TMEFF2: variants seen among roughly 807,000 people sequenced by gnomAD.
The protein encoded by TMEFF2 is transmembrane protein with EGF like and two follistatin like domains 2.
TMEFF2 carries 28 observed loss-of-function variants against 53.8 expected under a neutral mutation model. The ratio of observed to expected loss-of-function variants is 0.52; its 90% CI spans 0.39 to 0.71. TMEFF2 has a LOEUF of 0.71. TMEFF2 is among the 30% of genes least tolerant of loss of function. The pLI is 0.00. For synonymous variants in TMEFF2, 162 were observed against 166.3 expected, an observed-to-expected ratio of 0.97 and a Z score of 0.20; for missense variants, 353 against 455.2, an observed-to-expected ratio of 0.78 and a Z score of 2.04.
At chr2:191,997,678 A>G (rs1686255579) in intron 7 of TMEFF2, among the ~76,000 whole-genome samples, 1 of 151,532 alleles carries the variant, frequency 6.6e-6, no homozygotes, top group Non-Finnish European at 1.5e-5. Context: ...TCAAAGTGAA[A>G]TAATTGTTAA....
At chr2:191,953,883 A>ATTTTTTTCTTTTTTTTT (rs1691970132) in intron 8 of TMEFF2, 46 bp from the exon 9 acceptor site, 2 of 536,052 alleles carry the variant, frequency 3.7e-6, no homozygotes, top group Non-Finnish European at 5.1e-6. Flanking sequence ...TGCTGCATTC[A>ATTTTTTTCTTTTTTTTT]TTTTTTTTTT....
At chr2:192,031,087 T>C (rs996576937) in intron 5 of TMEFF2, among the ~76,000 whole-genome samples, 6 of 152,204 alleles carry the variant, frequency 3.9e-5, no homozygotes, top group Non-Finnish European at 8.8e-5. Context: ...ACATTTTTAC[T>C]AAAATATTGC....
At chr2:192,117,432 A>C (rs1689439702) in intron 4 of TMEFF2, among the ~76,000 whole-genome samples, 1 of 152,172 alleles carries the variant, frequency 6.6e-6, no homozygotes, top group Admixed American at 6.6e-5. Flanking sequence ...GTAAGATGGT[A>C]ATTTATTTAA....
intron 2 of TMEFF2, among the ~76,000 whole-genome samples, chr2:192,189,555 C>CAGAAAAAAAAAAAAAA (rs1691408441): frequency 2.4e-5 from 1 of 41,102 alleles, no homozygotes. Flanking sequence ...CCAAAAATTC[C>CAGAAAAAAAAAAAAAA]AAAAAAAAAA....
intron 5 of TMEFF2, among the ~76,000 whole-genome samples, chr2:192,046,171 C>T (rs923078123): frequency 6.6e-6 from 1 of 152,044 alleles, no homozygotes; most frequent in African/African-American, 2.4e-5. Flanking sequence ...TCGAGACCAA[C>T]CTGACTAATA....
chr2:192,043,479 C>T (rs749487791), intron 5 of TMEFF2, among the ~76,000 whole-genome samples: 2 of 152,170 alleles, frequency 1.3e-5, no homozygotes, highest in African/African-American at 2.4e-5. Context: ...AGACCTTTCA[C>T]GGACTAATGG....
intron 4 of TMEFF2, among the ~76,000 whole-genome samples, chr2:192,066,160 T>C (rs1468026650): frequency 6.6e-6 from 1 of 151,810 alleles, no homozygotes; most frequent in Non-Finnish European, 1.5e-5. Flanking sequence ...ATAGTTATAC[T>C]GTTACATCGT....
chr2:192,194,340 G>T lies in TMEFF2; in HGVS notation c.172+13C>A, dbSNP rs1290457204. On this transcript the variant is annotated intron_variant, in intron 1 of 9. Transcript: ENST00000272771. This position sits in a 1 kb window ranked among gnomAD's most constrained non-coding sequence, Gnocchi z 4.2. ...CGGAGTTAAAGGGTCGGGGACGGGGGTTCTGGACTTACCAGAGCAATTCCA... is the reference window on the plus strand; with the variant it reads ...CGGAGTTAAAGGGTCGGGGACGGGGTTTCTGGACTTACCAGAGCAATTCCA... The T allele has an allele frequency of 1.9e-6, 3 of 1,613,768 alleles. No homozygotes were observed. The highest frequency in any genetic ancestry group is 1.7e-6 in the Non-Finnish European group (2 of 1,179,766).
chr2:191,982,725 T>G (rs934450766), intron 7 of TMEFF2, among the ~76,000 whole-genome samples: 1 of 152,158 alleles, frequency 6.6e-6, no homozygotes, highest in African/African-American at 2.4e-5. Context: ...CTATCAAAAT[T>G]TCCATTTCAT....
chr2:192,160,530 A>T (rs932647030), intron 4 of TMEFF2, among the ~76,000 whole-genome samples: 3 of 152,214 alleles, frequency 2.0e-5, no homozygotes, highest in Non-Finnish European at 4.4e-5. Flanking sequence ...CTACAGAATC[A>T]TAACACAAAA....
At chr2:192,171,386 C>T (rs1161038266) in intron 4 of TMEFF2, among the ~76,000 whole-genome samples, 1 of 151,864 alleles carries the variant, frequency 6.6e-6, no homozygotes, top group Non-Finnish European at 1.5e-5. Context: ...CTGCTTTCTC[C>T]CTTACTCTCT....
At chr2:192,106,564 T>C (rs185410363) in intron 4 of TMEFF2, among the ~76,000 whole-genome samples, 9 of 151,916 alleles carry the variant, frequency 5.9e-5, no homozygotes, top group Admixed American at 5.9e-4. Context: ...TTAATTATTT[T>C]CTTTAATGAA....
Position 192,001,978 on chromosome 2 carries a change from T to C in TMEFF2, c.537-2770A>G, listed in dbSNP as rs181517710. Reference sequence around the variant, plus strand: ...AAGCTTTAACACCAAATTGAACAATTGTGTGGGATATTTTACAAGATTCTC... The same window carrying C: ...AAGCTTTAACACCAAATTGAACAATCGTGTGGGATATTTTACAAGATTCTC... On this transcript the variant is annotated intron_variant, in intron 5 of 9. Transcript: ENST00000272771. Among the ~76,000 whole-genome samples, 316 of 152,340 alleles carry C rather than the reference T, an allele frequency of 2.1e-3. 2 individuals carry two copies. The highest frequency in any genetic ancestry group is 7.2e-3 in the African/African-American group (299 of 41,576).
At chr2:192,135,779 G>A (rs1445726449) in intron 4 of TMEFF2, among the ~76,000 whole-genome samples, 8 of 151,920 alleles carry the variant, frequency 5.3e-5, no homozygotes, top group Non-Finnish European at 1.2e-4. Context: ...AAGAAGTGAA[G>A]AGGCCCTGCC....
chr2:192,038,026 A>G (rs559819835), intron 5 of TMEFF2: 3 of 152,326 alleles, frequency 2.0e-5, no homozygotes, highest in African/African-American at 7.2e-5. Context: ...ACGACTAACC[A>G]TTCTGTTGTG....
chr2:192,105,065 A>C (rs1367202442), intron 4 of TMEFF2, among the ~76,000 whole-genome samples: 1 of 151,930 alleles, frequency 6.6e-6, no homozygotes, highest in Non-Finnish European at 1.5e-5. Flanking sequence ...TGTCACATGA[A>C]TTATTACCAG....
chr2:191,999,927 C>T (rs953700417), intron 5 of TMEFF2, among the ~76,000 whole-genome samples: 3 of 151,880 alleles, frequency 2.0e-5, no homozygotes, highest in Non-Finnish European at 2.9e-5. Context: ...ATTTTTCTAC[C>T]TCTCATTTTA....
At chr2:192,134,923 C>T (rs1292799150) in intron 4 of TMEFF2, among the ~76,000 whole-genome samples, 1 of 152,184 alleles carries the variant, frequency 6.6e-6, no homozygotes, top group Non-Finnish European at 1.5e-5. Flanking sequence ...ACACACCTCA[C>T]CAAGCTCAGC....
chr2:192,118,718 G>T (rs1234380640), intron 4 of TMEFF2, among the ~76,000 whole-genome samples: 1 of 152,132 alleles, frequency 6.6e-6, no homozygotes, highest in Non-Finnish European at 1.5e-5. Context: ...TTGTACAGCA[G>T]ATGTAAAATG....
Sources: gnomAD v4.1 joint callset for allele counts (sites outside exome capture counted in the v4.1 genomes callset) on GRCh38, gnomAD v4.1.1 for gene constraint, Gnocchi (gnomAD v3.1) non-coding constraint, MANE v1.5 for transcripts, NCBI Gene and HGNC (gene_info 2026-07-23, HGNC 2026-07-21) for gene names.